CA4: variants seen among roughly 807,000 people sequenced by gnomAD.
CA4 encodes carbonic anhydrase 4.
In CA4, 24 loss-of-function variants were observed where a neutral mutation model predicts 34.5. The ratio of observed to expected loss-of-function variants is 0.70; its 90% CI spans 0.50 to 0.98. The LOEUF is 0.98. Ranked by LOEUF, CA4 falls within the 50% of genes least tolerant of loss-of-function variation. The pLI is 0.00. For missense variants in CA4, 394 were observed against 396.7 expected, an observed-to-expected ratio of 0.99 and a Z score of 0.06; for synonymous variants, 178 against 170.6, an observed-to-expected ratio of 1.04 and a Z score of -0.34.
intron 5 of CA4, 29 bp from the exon 6 acceptor site, chr17:60,158,032 T>A (rs376326094): frequency 5.0e-6 from 8 of 1,612,744 alleles, no homozygotes; most frequent in Admixed American, 3.3e-5. Context: ...CCCTGCAGAC[T>A]TTCTCAAGAC....
At chr17:60,175,615 GC>G (rs1352256628), downstream of CA4, among the ~76,000 whole-genome samples, 1 of 135,376 alleles carries the variant, frequency 7.4e-6, no homozygotes, top group African/African-American at 2.8e-5. Context: ...TTTGCAGTGA[GC>G]CGAGATTGCG....
chr17:60,155,537 TCTCACACA>T (rs1176065326), intron 2 of CA4, among the ~76,000 whole-genome samples, 170 bp downstream of exon 2: 4 of 144,252 alleles, frequency 2.8e-5, no homozygotes, highest in Admixed American at 6.9e-5. Flanking sequence ...TCTCTCTCTC[TCTCACACA>T]CACACACACA....
rs1338580173 is a variant in CA4 at position 60,156,731 on chromosome 17, G to A, written c.268+16G>A. The stretch of plus-strand genomic sequence containing the variant: ...GGGCACTCAGGTGGGCTGGATGGAG[G>A]CCCCAGGCAGGCCTGGGCACCCGAG... On this transcript the variant is annotated intron_variant, in intron 3 of 7. Transcript: ENST00000300900. 1 of 1,612,482 alleles carries A rather than the reference G, an allele frequency of 6.2e-7. No homozygotes were observed. Among genetic ancestry groups the A allele is most frequent in the Non-Finnish European group, 8.5e-7 (1 of 1,178,682 alleles).
chr17:60,164,169 C>CCTCTCT (rs749131087), downstream of CA4, among the ~76,000 whole-genome samples: 1 of 140,908 alleles, frequency 7.1e-6, no homozygotes, highest in Non-Finnish European at 1.5e-5. Context: ...TCCCTCCCTC[C>CCTCTCT]CTCTCTCTCT....
At chr17:60,166,227 G>A (rs2083854130) in intron 5 of CA4, among the ~76,000 whole-genome samples, 1 of 152,196 alleles carries the variant, frequency 6.6e-6, no homozygotes, top group Non-Finnish European at 1.5e-5. Flanking sequence ...CGCTGACTCA[G>A]CCTCCCAAGT....
chr17:60,161,867 G>C (rs1188138169), downstream of CA4, among the ~76,000 whole-genome samples: 1 of 152,068 alleles, frequency 6.6e-6, no homozygotes, highest in Admixed American at 6.6e-5. Flanking sequence ...GGGGATCTAA[G>C]CTGCCCCCCA....
rs371204854 is a variant in CA4, at chr17:60,157,803, C to T, written c.513+15C>T. On this transcript the variant is annotated intron_variant, in intron 5 of 7. Coordinates refer to ENST00000300900, the MANE Select transcript of CA4 (RefSeq NM_000717.5). ...TTCTGGTGGAGGTGGGACTCCCATC[C>T]CCCACTTCCCGGGGAACCCGGGGCT... 1.5e-5 allele frequency: 24 copies of T among 1,603,050 alleles called. No individual in the cohort carries two copies. In the African/African-American group the frequency reaches 2.3e-4, roughly 15 times the overall value.
chr17:60,152,152 T>G (rs575812612), intron 1 of CA4, among the ~76,000 whole-genome samples: 79 of 152,042 alleles, frequency 5.2e-4, no homozygotes, highest in African/African-American at 1.6e-3. Flanking sequence ...ATGGACTAGG[T>G]AGGATGTGGC....
In CA4 at chr17:60,159,274, A is replaced by G; in HGVS notation, c.789A>G (p.Thr263=). The part of the protein sequence containing the change: ...SQKLYYDKEQ[T]VSMKDNVRPL... ...AGCTGTACTACGACAAGGAACAGACAGTGAGCATGAAGGACAATGTCAGGC... is the reference window on the plus strand; with the variant it reads ...AGCTGTACTACGACAAGGAACAGACGGTGAGCATGAAGGACAATGTCAGGC... The change falls in exon 8 of 8, where the codon ACA becomes ACG. Residue 263 remains threonine (T), a synonymous_variant. Transcript: ENST00000300900. The G allele has an allele frequency of 6.2e-7, 1 of 1,609,974 alleles. No homozygotes were observed. The highest frequency in any genetic ancestry group is 8.5e-7 in the Non-Finnish European group (1 of 1,178,076).
intron 2 of CA4, among the ~76,000 whole-genome samples, chr17:60,155,822 A>T (rs1432023329): frequency 6.6e-6 from 1 of 152,214 alleles, no homozygotes; most frequent in Non-Finnish European, 1.5e-5. Flanking sequence ...CATTAAAGGA[A>T]GAAAGGCGTT....
chr17:60,158,586 A>T (rs1161319351), intron 7 of CA4, 140 bp downstream of exon 7: 2 of 823,350 alleles, frequency 2.4e-6, no homozygotes, highest in Non-Finnish European at 2.0e-6. Flanking sequence ...ATCGACATTC[A>T]CTGAAGACAG....
downstream of CA4, among the ~76,000 whole-genome samples, chr17:60,161,875 C>G (rs1003222176): frequency 2.6e-5 from 4 of 152,092 alleles, no homozygotes; most frequent in African/African-American, 9.7e-5. Flanking sequence ...AAGCTGCCCC[C>G]CAAAGGATCA....
At chr17:60,169,314 T>C (rs780478937) in intron 5 of CA4, among the ~76,000 whole-genome samples, 3 of 151,072 alleles carry the variant, frequency 2.0e-5, no homozygotes, top group Non-Finnish European at 4.4e-5. Flanking sequence ...TTCATGGAGA[T>C]ACTACTGCTT....
chr17:60,165,146 A>G (rs1220030227), intron 5 of CA4, among the ~76,000 whole-genome samples: 1 of 152,316 alleles, frequency 6.6e-6, no homozygotes, highest in South Asian at 2.1e-4. Flanking sequence ...AGTAGGGAAC[A>G]CTGGGCGGAG....
At chr17:60,177,847 G>A in the CA4 span, among the ~76,000 whole-genome samples, 1 of 152,120 alleles carries the variant, frequency 6.6e-6, no homozygotes, top group Non-Finnish European at 1.5e-5. Context: ...TATCTATGAG[G>A]AAGAAAGGGT....
chr17:60,175,547 C>G (rs1435978262), downstream of CA4, among the ~76,000 whole-genome samples: 1 of 145,012 alleles, frequency 6.9e-6, no homozygotes, highest in African/African-American at 2.6e-5. Context: ...CCAGCCTGGG[C>G]AACAGAGACC....
chr17:60,159,117 C>A lies in CA4; in HGVS notation c.745-113C>A, dbSNP rs1386751877. 5.7e-6 allele frequency: 5 copies of A among 882,424 alleles called. No individual in the cohort carries two copies. The East Asian group carries it at 1.3e-4, about 23-fold the overall frequency. 54.7% of individuals were successfully genotyped at this position (882,424 alleles called of 1,614,324 possible). ...CACCTTGAGAGCCAGGGGTTCAGAG[C>A]CCCTCTTTCCTAATGAGGGCTCCCA... On this transcript the variant is annotated intron_variant, in intron 7 of 7. Coordinates refer to ENST00000300900, the MANE Select transcript of CA4 (RefSeq NM_000717.5).
At chr17:60,163,040 T>C (rs2083810930), downstream of CA4, among the ~76,000 whole-genome samples, 1 of 152,128 alleles carries the variant, frequency 6.6e-6, no homozygotes, top group Admixed American at 6.6e-5. Flanking sequence ...AAAATATTCC[T>C]CATGTGTTTA....
At chr17:60,173,260 A>T (rs1401646135), downstream of CA4, among the ~76,000 whole-genome samples, 1 of 152,262 alleles carries the variant, frequency 6.6e-6, no homozygotes, top group Non-Finnish European at 1.5e-5. Context: ...GATACCTGAC[A>T]ATGTGAAATA....
Sources: allele counts gnomAD v4.1 joint callset (sites outside exome capture counted in the v4.1 genomes callset), GRCh38; gene constraint gnomAD v4.1.1; transcripts MANE v1.5; gene names NCBI Gene and HGNC (gene_info 2026-07-23, HGNC 2026-07-21).